The following RBFOX1 variants were observed in gnomAD, a reference collection of about 807,000 sequenced individuals.
The protein encoded by RBFOX1 is RNA binding protein fox-1 homolog 1.
RBFOX1 carries 8 observed loss-of-function variants against 57.7 expected under a neutral mutation model. The ratio of observed to expected loss-of-function variants is 0.14; its 90% CI spans 0.08 to 0.25. RBFOX1 has a LOEUF of 0.25. Among genes scored for constraint, RBFOX1 ranks in the 10% least tolerant of loss-of-function variants. RBFOX1 has a pLI of 1.00. For synonymous variants in RBFOX1, 326 were observed against 222.4 expected (o/e 1.47, Z -4.15); for missense variants, 611 against 548.5 (o/e 1.11, Z -1.14).
chr16:6,923,739 G>T (rs780961392), intron 3 of RBFOX1, among the ~76,000 whole-genome samples: 1 of 152,092 alleles, frequency 6.6e-6, no homozygotes, highest in African/African-American at 2.4e-5. Context: ...AAGTGGTCAG[G>T]AACACAGATA....
intron 2 of RBFOX1, among the ~76,000 whole-genome samples, chr16:6,490,180 A>G (rs976048068): frequency 4.6e-5 from 7 of 152,354 alleles, no homozygotes; most frequent in Admixed American, 1.3e-4. Flanking sequence ...TGCTATGAAA[A>G]GAAAAACAAT....
At chr16:6,936,626 A>G (rs1453552329) in intron 3 of RBFOX1, among the ~76,000 whole-genome samples, 1 of 152,132 alleles carries the variant, frequency 6.6e-6, no homozygotes, top group Non-Finnish European at 1.5e-5. Context: ...TATTCACAGA[A>G]GCACTATAAG....
intron 3 of RBFOX1, among the ~76,000 whole-genome samples, chr16:5,745,307 G>A (rs1225805325): frequency 6.6e-6 from 1 of 152,182 alleles, no homozygotes; most frequent in Non-Finnish European, 1.5e-5. Context: ...ATCCCATGGT[G>A]TATATGTGCC....
chr16:7,324,801 G>A (rs1368408704), intron 4 of RBFOX1, among the ~76,000 whole-genome samples: 1 of 152,142 alleles, frequency 6.6e-6, no homozygotes, highest in African/African-American at 2.4e-5. Flanking sequence ...GGTTAGTACT[G>A]CTGGTTAGAG....
chr16:5,312,056 G>C (rs1373438421), intron 1 of RBFOX1, among the ~76,000 whole-genome samples: 1 of 152,180 alleles, frequency 6.6e-6, no homozygotes, highest in African/African-American at 2.4e-5. Context: ...GGCTCAGGAG[G>C]GGCTGCATGA....
rs955740124 is a variant in RBFOX1, at chr16:6,026,039, C to G, written c.-127+6047C>G. On this transcript the variant is annotated intron_variant, in intron 1 of 15. Transcript: ENST00000550418. Reference sequence around the variant, plus strand: ...CGCCTCCCCCACCCACCCAGCAGTTCACCTTATTCGATTCCTGCTCATCCT... The same window carrying G: ...CGCCTCCCCCACCCACCCAGCAGTTGACCTTATTCGATTCCTGCTCATCCT... Among the ~76,000 whole-genome samples, 9 of 152,294 alleles carry G rather than the reference C, an allele frequency of 5.9e-5. 1 individual carries two copies.
At chr16:6,430,885 C>G (rs940472002) in intron 2 of RBFOX1, among the ~76,000 whole-genome samples, 1 of 149,270 alleles carries the variant, frequency 6.7e-6, no homozygotes, top group African/African-American at 2.5e-5. Context: ...CACCCCAGCA[C>G]TTTGGGAGGC....
intron 4 of RBFOX1, among the ~76,000 whole-genome samples, chr16:7,387,876 G>C (rs1203254139): frequency 6.6e-6 from 1 of 152,070 alleles, no homozygotes; most frequent in Non-Finnish European, 1.5e-5. Context: ...CTAATTTCTT[G>C]AGCTTTGTTT....
intron 15 of RBFOX1, chr16:7,709,677 A>C: frequency 7.0e-7 from 1 of 1,424,616 alleles, no homozygotes. Flanking sequence ...CTAGTACATA[A>C]GAAAGTAGAA....
At chr16:7,545,374 G>T (rs2084169053) in intron 5 of RBFOX1, among the ~76,000 whole-genome samples, 2 of 151,996 alleles carry the variant, frequency 1.3e-5, no homozygotes, top group Admixed American at 1.3e-4. Context: ...TCACAGCCAG[G>T]CCTCTGCCTT....
intron 3 of RBFOX1, among the ~76,000 whole-genome samples, chr16:6,936,552 A>G (rs986796451): frequency 6.6e-6 from 1 of 151,988 alleles, no homozygotes; most frequent in Non-Finnish European, 1.5e-5. Flanking sequence ...TAAGGGCTAC[A>G]TTTTTTTCAT....
intron 3 of RBFOX1, among the ~76,000 whole-genome samples, chr16:6,985,397 G>C (rs1275758257): frequency 6.6e-6 from 1 of 152,154 alleles, no homozygotes; most frequent in Non-Finnish European, 1.5e-5. Context: ...GGCTGGACAA[G>C]GTGACTCAGG....
At chr16:7,406,023 C>A (rs1459507069) in intron 4 of RBFOX1, among the ~76,000 whole-genome samples, 1 of 152,132 alleles carries the variant, frequency 6.6e-6, no homozygotes, top group Middle Eastern at 3.2e-3. Context: ...GAGCATATCC[C>A]CCACAACAAA....
At chr16:6,335,998 C>G (rs2083609101) in intron 2 of RBFOX1, among the ~76,000 whole-genome samples, 1 of 149,574 alleles carries the variant, frequency 6.7e-6, no homozygotes, top group Non-Finnish European at 1.5e-5. Flanking sequence ...ATAGTGGAAT[C>G]AAGCCTCCAT....
intron 2 of RBFOX1, among the ~76,000 whole-genome samples, chr16:5,546,780 A>C (rs2045223946): frequency 6.6e-6 from 1 of 152,182 alleles, no homozygotes; most frequent in Non-Finnish European, 1.5e-5. Flanking sequence ...ACTTCATCAA[A>C]ATTAAAAACT....
At chr16:6,250,687 T>A (rs967436970) in intron 1 of RBFOX1, among the ~76,000 whole-genome samples, 6 of 152,174 alleles carry the variant, frequency 3.9e-5, no homozygotes, top group African/African-American at 1.2e-4. Context: ...CTGCCGGCTG[T>A]TCTCAGCATG....
chr16:7,615,318 G>A (rs886435848), intron 10 of RBFOX1, among the ~76,000 whole-genome samples: 1 of 144,956 alleles, frequency 6.9e-6, no homozygotes, highest in African/African-American at 2.7e-5. Flanking sequence ...GGGCAATAGA[G>A]CAAGACTCCA....
Position 6,769,958 on chromosome 16 carries a change from C to T in RBFOX1, c.-16+115308C>T, listed in dbSNP as rs578212449. Among the ~76,000 whole-genome samples, 5 of 152,208 alleles carry T rather than the reference C, an allele frequency of 3.3e-5. No individual in the cohort carries two copies. The South Asian group carries it at 1.0e-3, about 32-fold the overall frequency. ...TCGTGAACTGTTCCTATCTATGTGC[C>T]TTATGCCTGCAGGCTACAGGTCCTT... On this transcript the variant is annotated intron_variant, in intron 3 of 15. Coordinates refer to ENST00000550418, the MANE Select transcript of RBFOX1 (RefSeq NM_018723.4).
At chr16:6,555,529 C>G (rs1000853569) in intron 2 of RBFOX1, among the ~76,000 whole-genome samples, 1 of 152,030 alleles carries the variant, frequency 6.6e-6, no homozygotes, top group Non-Finnish European at 1.5e-5. Flanking sequence ...GAAACCCCGT[C>G]TCTACTAAAA....
Sources: allele counts gnomAD v4.1 joint callset (sites outside exome capture counted in the v4.1 genomes callset), GRCh38; gene constraint gnomAD v4.1.1; transcripts MANE v1.5; gene names NCBI Gene and HGNC (gene_info 2026-07-23, HGNC 2026-07-21).